Variants in TAFA1 observed in about 807,000 individuals in gnomAD.
The protein encoded by TAFA1 is chemokine-like protein TAFA-1.
In TAFA1, 4 loss-of-function variants were observed where a neutral mutation model predicts 18.5. The observed-to-expected ratio is 0.22, with a 90% CI of 0.11 to 0.49. The LOEUF (loss-of-function observed/expected upper bound fraction) is 0.49. Among genes scored for constraint, TAFA1 ranks in the 20% least tolerant of loss-of-function variants. The pLI is 0.98. For missense variants in TAFA1, 147 were observed against 169.0 expected, an observed-to-expected ratio of 0.87 and a Z score of 0.72; for synonymous variants, 56 against 55.2, an observed-to-expected ratio of 1.01 and a Z score of -0.06.
chr3:68,273,122 A>G (rs1173816074), intron 2 of TAFA1, among the ~76,000 whole-genome samples: 9 of 152,156 alleles, frequency 5.9e-5, no homozygotes, highest in Admixed American at 3.9e-4. Context: ...ATTAATACAA[A>G]TGGTGCCAGC....
intron 4 of TAFA1, among the ~76,000 whole-genome samples, chr3:68,542,886 A>G (rs946734845): frequency 6.6e-6 from 1 of 152,164 alleles, no homozygotes; most frequent in African/African-American, 2.4e-5. Flanking sequence ...TTTTTACGAC[A>G]GAGGACGCAA....
chr3:68,372,347 C>A (rs190796762), intron 2 of TAFA1, among the ~76,000 whole-genome samples: 4 of 152,018 alleles, frequency 2.6e-5, no homozygotes, highest in African/African-American at 4.8e-5. Flanking sequence ...TAGTGACAGC[C>A]GAAAATGTAC....
intron 2 of TAFA1, among the ~76,000 whole-genome samples, chr3:68,035,539 A>G (rs1449981896): frequency 6.6e-6 from 1 of 152,190 alleles, no homozygotes; most frequent in Non-Finnish European, 1.5e-5. Context: ...AAATAAAAAA[A>G]TTCCTGACAA....
At chr3:68,242,916 T>C (rs2067019079) in intron 2 of TAFA1, among the ~76,000 whole-genome samples, 1 of 152,122 alleles carries the variant, frequency 6.6e-6, no homozygotes. Context: ...TTTATCCTCT[T>C]GAACAGAGAG....
At chr3:68,470,490 A>G (rs187886963) in intron 3 of TAFA1, among the ~76,000 whole-genome samples, 5 of 152,284 alleles carry the variant, frequency 3.3e-5, no homozygotes, top group Admixed American at 3.3e-4. Context: ...AGACTTGTTG[A>G]ATGTCTTTGC....
chr3:68,172,153 A>G (rs937965144), intron 2 of TAFA1, among the ~76,000 whole-genome samples: 4 of 152,220 alleles, frequency 2.6e-5, no homozygotes, highest in Non-Finnish European at 5.9e-5. Context: ...TCACACCTAT[A>G]TAAGTCATCG....
the TAFA1 span, among the ~76,000 whole-genome samples, chr3:67,998,194 A>T: frequency 5.3e-5 from 8 of 152,208 alleles, no homozygotes; most frequent in African/African-American, 1.7e-4. Context: ...GTTATAGATG[A>T]CTTTTAAAAT....
chr3:68,205,437 A>G (rs987336796), intron 2 of TAFA1, among the ~76,000 whole-genome samples: 1 of 151,902 alleles, frequency 6.6e-6, no homozygotes, highest in African/African-American at 2.4e-5. Context: ...CCAGGTGTCC[A>G]TCAGGACTCT....
intron 2 of TAFA1, among the ~76,000 whole-genome samples, chr3:68,019,057 C>T (rs191080735): frequency 1.3e-4 from 20 of 152,286 alleles, no homozygotes; most frequent in Middle Eastern, 6.8e-3. Flanking sequence ...GTCAGGTTTC[C>T]ATTACAAACA....
intron 2 of TAFA1, among the ~76,000 whole-genome samples, chr3:68,308,789 T>TCATACACACAAACA (rs1431757959): frequency 2.0e-5 from 3 of 152,166 alleles, no homozygotes; most frequent in African/African-American, 7.2e-5. Flanking sequence ...TTGTCCCATC[T>TCATACACACAAACA]CATACACACA....
Position 68,043,982 on chromosome 3 carries a change from A to T in TAFA1, c.118+37238A>T, listed in dbSNP as rs1015040806. On this transcript the variant is annotated intron_variant, in intron 2 of 4. Transcript: ENST00000478136. ...TCTGACCTAGAACCCCCTGCCCATT[A>T]TCCCAGCCAACCTTTTCCACTCAGA... Among the ~76,000 whole-genome samples, 3 of 152,188 alleles carry T rather than the reference A, an allele frequency of 2.0e-5. No homozygotes were observed. The East Asian group carries it at 5.8e-4, about 29-fold the overall frequency.
chr3:68,177,982 A>C (rs1428657288), intron 2 of TAFA1, among the ~76,000 whole-genome samples: 2 of 152,134 alleles, frequency 1.3e-5, no homozygotes, highest in Non-Finnish European at 2.9e-5. Context: ...ATCTCTACTA[A>C]AAATACAAAA....
chr3:68,418,796 C>T (rs1038925856), intron 3 of TAFA1, among the ~76,000 whole-genome samples: 1 of 152,212 alleles, frequency 6.6e-6, no homozygotes, highest in Non-Finnish European at 1.5e-5. Flanking sequence ...CTAAACACTT[C>T]TCATGCATTA....
chr3:68,128,395 C>A (rs1261121031), intron 2 of TAFA1, among the ~76,000 whole-genome samples: 1 of 152,130 alleles, frequency 6.6e-6, no homozygotes, highest in Non-Finnish European at 1.5e-5. Flanking sequence ...AGGACTCCAA[C>A]CACAACTTTA....
chr3:68,205,816 A>G (rs1389518774), intron 2 of TAFA1, among the ~76,000 whole-genome samples: 1 of 151,908 alleles, frequency 6.6e-6, no homozygotes, highest in African/African-American at 2.4e-5. Flanking sequence ...ATGAAAATAT[A>G]TTAGGTAGCA....
chr3:68,446,715 G>A (rs2071478518), intron 3 of TAFA1, among the ~76,000 whole-genome samples: 1 of 152,182 alleles, frequency 6.6e-6, no homozygotes, highest in African/African-American at 2.4e-5. Flanking sequence ...AGGTGACAAA[G>A]AAGCTCCATC....
chr3:68,074,266 A>G (rs1331816730), intron 2 of TAFA1, among the ~76,000 whole-genome samples: 1 of 152,168 alleles, frequency 6.6e-6, no homozygotes, highest in Non-Finnish European at 1.5e-5. Flanking sequence ...AATACAGATG[A>G]AAATTCACTT....
rs570649115 is a variant in TAFA1, at chr3:68,212,614, T to A, written c.119-204666T>A. On this transcript the variant is annotated intron_variant, in intron 2 of 4. Transcript: ENST00000478136. ...CTCATACAGTATAAGTGTGTATCCA[T>A]TCACCTTTTTATTACATTTTCTCAG... Among the ~76,000 whole-genome samples, 5 of 152,198 alleles carry A rather than the reference T, an allele frequency of 3.3e-5. No individual in the cohort carries two copies. In the South Asian group the frequency reaches 1.0e-3, roughly 32 times the overall value.
intron 1 of TAFA1, chr3:68,006,290 A>G (rs1704355019): frequency 4.7e-6 from 1 of 210,984 alleles, no homozygotes. Flanking sequence ...GCCTGGGATA[A>G]CTATAGTTTA....
Sources: gnomAD v4.1 joint callset for allele counts (sites outside exome capture counted in the v4.1 genomes callset) on GRCh38, gnomAD v4.1.1 for gene constraint, MANE v1.5 for transcripts, NCBI Gene and HGNC (gene_info 2026-07-23, HGNC 2026-07-21) for gene names.